Variants in EPHB2 observed in about 807,000 individuals in gnomAD.
EPHB2 encodes EPH receptor B2, also known as ephrin type-B receptor 2.
In EPHB2, 18 loss-of-function variants were observed where a neutral mutation model predicts 96.4. The ratio of observed to expected loss-of-function variants is 0.19; its 90% CI spans 0.13 to 0.28. The LOEUF is 0.28. EPHB2 is among the 10% of genes least tolerant of loss of function. EPHB2 has a pLI of 1.00. For missense variants in EPHB2, 989 were observed against 1,355.4 expected (o/e 0.73, Z 4.25); for synonymous variants, 506 against 534.1 (o/e 0.95, Z 0.72).
intron 3 of EPHB2, chr1:22,836,085 A>G (rs1475370772): frequency 6.6e-6 from 1 of 152,178 alleles, no homozygotes; most frequent in East Asian, 1.9e-4. Context: ...GGAGCAAGCG[A>G]GACATGAATC....
chr1:22,866,426 G>T (rs2148529567), intron 5 of EPHB2, among the ~76,000 whole-genome samples: 1 of 152,164 alleles, frequency 6.6e-6, no homozygotes, highest in Non-Finnish European at 1.5e-5. Context: ...CAGTTTGAAG[G>T]ACCAGTCGAA....
intron 3 of EPHB2, among the ~76,000 whole-genome samples, chr1:22,792,986 C>T (rs1391289869): frequency 3.3e-5 from 5 of 151,960 alleles, no homozygotes; most frequent in South Asian, 4.2e-4. Flanking sequence ...GGAAGCTGAG[C>T]GAGGAGCAAG....
At chr1:22,781,517 T>C (rs1644532719) in intron 2 of EPHB2, 32 bp downstream of exon 2, 11 of 1,609,232 alleles carry the variant, frequency 6.8e-6, no homozygotes, top group Non-Finnish European at 8.5e-6. Context: ...CTTGCATTGG[T>C]CCCCAGGATC....
intron 2 of EPHB2, among the ~76,000 whole-genome samples, chr1:22,782,571 G>A (rs1171456358): frequency 6.6e-6 from 1 of 152,048 alleles, no homozygotes; most frequent in Non-Finnish European, 1.5e-5. Context: ...TGGGCCCACA[G>A]CCCCACCTTG....
chr1:22,729,574 C>T (rs878928744), intron 1 of EPHB2, among the ~76,000 whole-genome samples: 3 of 152,164 alleles, frequency 2.0e-5, no homozygotes, highest in African/African-American at 2.4e-5. Context: ...CCTTGCAATT[C>T]CTAGACTCTT....
intron 3 of EPHB2, among the ~76,000 whole-genome samples, chr1:22,799,895 G>T (rs1370022699): frequency 1.3e-5 from 2 of 152,206 alleles, no homozygotes; most frequent in East Asian, 3.8e-4. Flanking sequence ...GGTTATACTG[G>T]CTCCTTCTAG....
At chr1:22,782,279 C>A (rs1242830323) in intron 2 of EPHB2, among the ~76,000 whole-genome samples, 2 of 152,198 alleles carry the variant, frequency 1.3e-5, no homozygotes, top group African/African-American at 4.8e-5. Flanking sequence ...AACACAATGC[C>A]TGGCATAGAT....
chr1:22,734,858 G>A (rs1043440854), intron 1 of EPHB2, among the ~76,000 whole-genome samples: 11 of 152,128 alleles, frequency 7.2e-5, no homozygotes, highest in Non-Finnish European at 7.3e-5. Context: ...AAAATTCAGG[G>A]GACTTACAGA....
intron 3 of EPHB2, among the ~76,000 whole-genome samples, chr1:22,808,810 A>T (rs867430568): frequency 6.6e-6 from 1 of 152,206 alleles, no homozygotes; most frequent in Non-Finnish European, 1.5e-5. Context: ...AACACCACAC[A>T]TCAGTACGGG....
chr1:22,782,884 C>T (rs999039251), intron 2 of EPHB2, among the ~76,000 whole-genome samples: 5 of 152,194 alleles, frequency 3.3e-5, no homozygotes, highest in African/African-American at 9.6e-5. Flanking sequence ...CACCCTTCAT[C>T]GCACCTGACC....
At chr1:22,776,784 A>G (rs1190517428) in intron 1 of EPHB2, among the ~76,000 whole-genome samples, 1 of 152,258 alleles carries the variant, frequency 6.6e-6, no homozygotes, top group Non-Finnish European at 1.5e-5. Flanking sequence ...AAATGGCTAA[A>G]GTCATTAATG....
chr1:22,850,359 G>GT (rs1450395097), intron 3 of EPHB2, among the ~76,000 whole-genome samples: 2 of 152,188 alleles, frequency 1.3e-5, no homozygotes, highest in African/African-American at 2.4e-5. Context: ...CCTGAACAGG[G>GT]GACCCGCACG....
Position 22,903,237 on chromosome 1 carries a change from C to G in EPHB2, c.1766-2750C>G, listed in dbSNP as rs114789047. 5.8e-3 allele frequency among the ~76,000 whole-genome samples: 891 copies of G among 152,326 alleles called. 10 individuals are homozygous for G. Among genetic ancestry groups the G allele is most frequent in the African/African-American group, 0.02 (827 of 41,570 alleles). ...TTTGAGCTGCTGTACTTCCTCTTAC[C>G]TCCCTGAGTCAACCCATTCCTGTCC... On this transcript the variant is annotated intron_variant, in intron 9 of 15. Transcript: ENST00000374630.
At chr1:22,855,330 G>T (rs969608832) in intron 3 of EPHB2, among the ~76,000 whole-genome samples, 11 of 152,176 alleles carry the variant, frequency 7.2e-5, no homozygotes, top group African/African-American at 2.7e-4. Context: ...AGATTCCAAG[G>T]CAGGAAAGCG....
intron 3 of EPHB2, among the ~76,000 whole-genome samples, chr1:22,822,025 T>A (rs34795220): frequency 0.28 from 43,252 of 152,120 alleles, 6,644 homozygotes; most frequent in Middle Eastern, 0.44. Context: ...AGAATAATCT[T>A]TATTAGACAT....
intron 1 of EPHB2, among the ~76,000 whole-genome samples, chr1:22,765,181 G>T (rs1557660872): frequency 6.6e-6 from 1 of 152,156 alleles, no homozygotes; most frequent in African/African-American, 2.4e-5. Flanking sequence ...GAACTCTGAG[G>T]CTGTCTGTAG....
chr1:22,750,397 G>A lies in EPHB2; in HGVS notation c.62-31024G>A, dbSNP rs1644043597. ...GCTCTCTTCTCTTTCTGGAGTCCTG[G>A]GTCACCAGAGCCAGACTTCTGATGT... On this transcript the variant is annotated intron_variant, in intron 1 of 15. Transcript: ENST00000374630. Among the ~76,000 whole-genome samples the A allele has an allele frequency of 2.0e-5, 3 of 152,146 alleles. No homozygotes were observed. The South Asian group carries it at 6.2e-4, about 32-fold the overall frequency.
intron 1 of EPHB2, among the ~76,000 whole-genome samples, chr1:22,729,005 G>A (rs185543319): frequency 1.2e-3 from 182 of 152,336 alleles, no homozygotes; most frequent in East Asian, 3.7e-3. Flanking sequence ...GGAGCGCTGC[G>A]TGGAGAAACA....
At chr1:22,811,194 T>C (rs1644997409) in intron 3 of EPHB2, among the ~76,000 whole-genome samples, 1 of 152,146 alleles carries the variant, frequency 6.6e-6, no homozygotes, top group African/African-American at 2.4e-5. Flanking sequence ...TCTGATGCTG[T>C]TGGTCTGAGA....
Sources: gnomAD v4.1 joint callset for allele counts (sites outside exome capture counted in the v4.1 genomes callset) on GRCh38, gnomAD v4.1.1 for gene constraint, MANE v1.5 for transcripts, NCBI Gene and HGNC (gene_info 2026-07-23, HGNC 2026-07-21) for gene names.